TMEM233: variants seen among roughly 807,000 people sequenced by gnomAD.
TMEM233 encodes dispanin subfamily B member 2.
A neutral mutation model predicts 11.2 loss-of-function variants in TMEM233; 6 were observed. The observed-to-expected ratio is 0.54, with a 90% CI of 0.29 to 1.06. The LOEUF is 1.06. Among genes scored for constraint, TMEM233 ranks in the 50% least tolerant of loss-of-function variants. The pLI is 0.08. For synonymous variants in TMEM233, 59 were observed against 55.8 expected (o/e 1.06, Z -0.26); for missense variants, 127 against 144.7 (o/e 0.88, Z 0.63).
intron 2 of TMEM233, chr12:119,634,281 A>T: frequency 3.0e-6 from 3 of 985,232 alleles, no homozygotes; most frequent in Non-Finnish European, 3.6e-6. Context: ...CCCAAAACCC[A>T]TGAATCTGTG....
intron 2 of TMEM233, chr12:119,631,623 G>C: frequency 1.0e-6 from 1 of 985,472 alleles, no homozygotes. Flanking sequence ...ATATTCTTAA[G>C]AGAAGGTGTA....
chr12:119,637,092 G>C (rs79517185), intron 2 of TMEM233, among the ~76,000 whole-genome samples: 3 of 152,220 alleles, frequency 2.0e-5, no homozygotes, highest in African/African-American at 7.2e-5. Flanking sequence ...CCGTGCTCAT[G>C]ATCATTGAGC....
intron 1 of TMEM233, among the ~76,000 whole-genome samples, chr12:119,607,063 T>C (rs766295091): frequency 9.2e-5 from 14 of 152,146 alleles, no homozygotes; most frequent in Non-Finnish European, 1.5e-4. Context: ...ATATACCCAT[T>C]CATTGACCCT....
At chr12:119,600,233 C>T (rs545216261) in intron 1 of TMEM233, among the ~76,000 whole-genome samples, 8 of 130,056 alleles carry the variant, frequency 6.2e-5, no homozygotes, top group Admixed American at 5.2e-4. Flanking sequence ...ACAAATAATA[C>T]AAGATGTAGA....
chr12:119,597,666 C>A (rs1954073989), intron 1 of TMEM233, among the ~76,000 whole-genome samples: 1 of 152,122 alleles, frequency 6.6e-6, no homozygotes, highest in African/African-American at 2.4e-5. Context: ...CATGTAGAAC[C>A]AGGGGAGTCC....
intron 1 of TMEM233, among the ~76,000 whole-genome samples, chr12:119,619,634 C>T (rs1210531165): frequency 1.3e-5 from 2 of 149,132 alleles, no homozygotes; most frequent in Admixed American, 1.3e-4. Context: ...GAGCGAGATC[C>T]TGTCTCAAGA....
At chr12:119,644,613 G>GAT, downstream of TMEM233, among the ~76,000 whole-genome samples, 1 of 152,028 alleles carries the variant, frequency 6.6e-6, no homozygotes, top group East Asian at 1.9e-4. Flanking sequence ...GAGTAGCTGG[G>GAT]ATTACAGGTG....
At chr12:119,638,073 G>A (rs1227285421) in intron 2 of TMEM233, among the ~76,000 whole-genome samples, 2 of 152,150 alleles carry the variant, frequency 1.3e-5, no homozygotes, top group Non-Finnish European at 2.9e-5. Context: ...CCACTGCTCA[G>A]TATCCACCTT....
intron 2 of TMEM233, chr12:119,634,334 G>A (rs1017965134): frequency 2.8e-5 from 26 of 938,328 alleles, no homozygotes; most frequent in Non-Finnish European, 3.3e-5. Flanking sequence ...TCTCGGGGCT[G>A]GGTGTGGTGG....
At chr12:119,609,540 G>GA (rs760166321) in intron 1 of TMEM233, among the ~76,000 whole-genome samples, 252 of 152,262 alleles carry the variant, frequency 1.7e-3, no homozygotes, top group Non-Finnish European at 3.1e-3. Context: ...GCTTAGGAGG[G>GA]AAAAATGGTT....
At position 119,593,932 on chromosome 12, in the gene TMEM233, G is replaced by A. The variant is rs1953970456; in HGVS notation, c.84G>A (p.Glu28=). ...PEANTEDDKT[E]EDVPMPKNYL... is the part of the protein sequence containing the mutation. ...CCAACACTGAAGATGACAAGACCGAGGAGGACGTGCCCATGCCCAAGAACT... is the reference window on the plus strand; with the variant it reads ...CCAACACTGAAGATGACAAGACCGAAGAGGACGTGCCCATGCCCAAGAACT... The change falls in exon 1 of 3, where the codon GAG becomes GAA. Residue 28 remains glutamate (E), a synonymous_variant. Coordinates refer to ENST00000426426, the MANE Select transcript of TMEM233 (RefSeq NM_001136534.3). This position sits in a 1 kb window ranked among gnomAD's most constrained non-coding sequence, Gnocchi z 4.1. The A allele has an allele frequency of 3.9e-6, 6 of 1,551,760 alleles. No individual in the cohort carries two copies. The highest frequency in any genetic ancestry group is 5.2e-6 in the Non-Finnish European group (6 of 1,146,996).
rs1409665383 is a variant in TMEM233, at chr12:119,626,547, AAGAGAAGAGAAGAGAAGAGAAGAGAAG to A, written c.187-3185_187-3159del. On this transcript the variant is annotated intron_variant, in intron 1 of 2. Coordinates refer to ENST00000426426, the MANE Select transcript of TMEM233 (RefSeq NM_001136534.3). ...AGGGAGAAGGGAGAAGGGAGAAGAG[AAGAGAAGAGAAGAGAAGAGAAGAGAAG>A]AGAAGAGAAGAGAAGAGAAGAGAAA... 7.6e-3 allele frequency among the ~76,000 whole-genome samples: 506 copies of A among 66,796 alleles called. 7 individuals carry two copies. The highest frequency in any genetic ancestry group is 0.022 in the African/African-American group (472 of 21,508). 43.8% of individuals were successfully genotyped at this position (66,796 alleles called of 152,430 possible).
rs1954634091 is a variant in TMEM233, at chr12:119,621,179, G to A, written c.187-8557G>A. Among the ~76,000 whole-genome samples, 3 of 151,956 alleles carry A rather than the reference G, an allele frequency of 2.0e-5. No individual in the cohort carries two copies. In the South Asian group the frequency reaches 6.2e-4, roughly 32 times the overall value. ...CCTCCCACCTCAGCATCCCCAAGTA[G>A]CTGGGACTACAAGCATGTGCCACCA... On this transcript the variant is annotated intron_variant, in intron 1 of 2. Transcript: ENST00000426426.
intron 1 of TMEM233, among the ~76,000 whole-genome samples, chr12:119,629,121 G>A (rs932826732): frequency 6.6e-6 from 1 of 152,096 alleles, no homozygotes; most frequent in Non-Finnish European, 1.5e-5. Flanking sequence ...TGCCGAACAA[G>A]ACAGAAGGCC....
the TMEM233 span, among the ~76,000 whole-genome samples, chr12:119,654,122 T>C: frequency 3.1e-3 from 479 of 152,274 alleles, 3 homozygotes; most frequent in African/African-American, 0.011. Flanking sequence ...GATAATTGAC[T>C]TCTCTTTTTT....
At chr12:119,614,167 G>A (rs1954472505) in intron 1 of TMEM233, among the ~76,000 whole-genome samples, 1 of 152,106 alleles carries the variant, frequency 6.6e-6, no homozygotes, top group Admixed American at 6.5e-5. Context: ...GAGTACTTTG[G>A]GAGGCTGAGG....
downstream of TMEM233, among the ~76,000 whole-genome samples, chr12:119,646,053 T>C (rs182453886): frequency 8.9e-6 from 1 of 112,364 alleles, no homozygotes; most frequent in Non-Finnish European, 1.9e-5. Context: ...TCTAAACAAT[T>C]ACAGTAGCTT....
At chr12:119,605,455 C>T (rs149488843) in intron 1 of TMEM233, among the ~76,000 whole-genome samples, 1,660 of 114,800 alleles carry the variant, frequency 0.014, 45 homozygotes, top group African/African-American at 0.051. Flanking sequence ...TGAGACAGGG[C>T]CTCACTCTGT....
downstream of TMEM233, among the ~76,000 whole-genome samples, chr12:119,645,465 T>C (rs1955138132): frequency 6.6e-6 from 1 of 152,122 alleles, no homozygotes; most frequent in Non-Finnish European, 1.5e-5. Flanking sequence ...ACACTTTGAA[T>C]TCTGGTTTGG....
Sources: allele counts gnomAD v4.1 joint callset (sites outside exome capture counted in the v4.1 genomes callset), GRCh38; gene constraint gnomAD v4.1.1; non-coding constraint Gnocchi (gnomAD v3.1); transcripts MANE v1.5; gene names NCBI Gene and HGNC (gene_info 2026-07-23, HGNC 2026-07-21).